The following KCNIP4 variants were observed in gnomAD, a reference collection of about 807,000 sequenced individuals.
KCNIP4 encodes potassium voltage-gated channel interacting protein 4, also known as Kv channel-interacting protein 4.
A neutral mutation model predicts 34.0 loss-of-function variants in KCNIP4; 12 were observed. That is an observed-to-expected ratio of 0.35 (90% CI 0.23 to 0.57). The LOEUF (loss-of-function observed/expected upper bound fraction) is 0.57. KCNIP4 is among the 20% of genes least tolerant of loss of function. The probability of loss-of-function intolerance (pLI) is 0.83; values close to 1 mark genes in which losing one functional copy is unlikely to be tolerated. For synonymous variants in KCNIP4, 124 were observed against 102.2 expected (o/e 1.21, Z -1.29); for missense variants, 238 against 311.7 (o/e 0.76, Z 1.78).
intron 1 of KCNIP4, among the ~76,000 whole-genome samples, chr4:21,469,951 G>T (rs758411058): frequency 6.6e-6 from 1 of 152,104 alleles, no homozygotes; most frequent in Non-Finnish European, 1.5e-5. Context: ...ATAACTTTTG[G>T]GATGTTCATA....
At chr4:21,098,880 C>T (rs4590029) in intron 1 of KCNIP4, among the ~76,000 whole-genome samples, 1 of 152,014 alleles carries the variant, frequency 6.6e-6, no homozygotes, top group African/African-American at 2.4e-5. Flanking sequence ...CTCAACATCA[C>T]TGATCATTAG....
In KCNIP4 at chr4:21,349,644, C is replaced by T. The variant is rs1462951817; in HGVS notation, c.62-466935G>A. Among the ~76,000 whole-genome samples the T allele has an allele frequency of 2.0e-5, 3 of 152,126 alleles. 1 individual carries two copies. The highest frequency in any genetic ancestry group is 2.0e-4 in the Admixed American group (3 of 15,258). ...ATTCCCACCAGTGACTAGTTATACCCCAAGGAACATACAGACTGCTAACAT... is the reference window on the plus strand; with the variant it reads ...ATTCCCACCAGTGACTAGTTATACCTCAAGGAACATACAGACTGCTAACAT... On this transcript the variant is annotated intron_variant, in intron 1 of 8. Transcript: ENST00000382152.
rs1332301812 is a variant in KCNIP4 at position 20,950,930 on chromosome 4, TACGTGGGC to T, written c.62-68229_62-68222del. 2.0e-5 allele frequency among the ~76,000 whole-genome samples: 3 copies of T among 152,106 alleles called. No individual in the cohort carries two copies. The East Asian group carries it at 5.8e-4, about 29-fold the overall frequency. On this transcript the variant is annotated intron_variant, in intron 1 of 8. Coordinates refer to ENST00000382152, the MANE Select transcript of KCNIP4 (RefSeq NM_025221.6). Reference sequence around the variant, plus strand: ...CTTTCACAGAATACCACTCTAAAGTTACGTGGGCATTTGCTTTCCCCCAAAATTCATAT... The same window carrying T: ...CTTTCACAGAATACCACTCTAAAGTTATTTGCTTTCCCCCAAAATTCATAT...
intron 1 of KCNIP4, among the ~76,000 whole-genome samples, chr4:21,230,614 TGTTTG>T (rs1231927800): frequency 6.6e-6 from 1 of 152,038 alleles, no homozygotes; most frequent in Non-Finnish European, 1.5e-5. Flanking sequence ...CAACATATGG[TGTTTG>T]GTTTTTCTGT....
At position 21,832,816 on chromosome 4, in the gene KCNIP4, C is replaced by T. The variant is rs1030157030; in HGVS notation, c.61+115755G>A. Among the ~76,000 whole-genome samples the T allele has an allele frequency of 1.5e-4, 22 of 148,008 alleles. No homozygotes were observed. The South Asian group carries it at 4.8e-3, about 32-fold the overall frequency. Reference sequence around the variant, plus strand: ...CCATGGGTTCTCATTGTTCAATTCCCACCTATGAGTGAGAATATGCGGTGT... The same window carrying T: ...CCATGGGTTCTCATTGTTCAATTCCTACCTATGAGTGAGAATATGCGGTGT... On this transcript the variant is annotated intron_variant, in intron 1 of 8. Coordinates refer to ENST00000382152, the MANE Select transcript of KCNIP4 (RefSeq NM_025221.6).
intron 1 of KCNIP4, among the ~76,000 whole-genome samples, chr4:21,495,080 G>T (rs1732748193): frequency 6.6e-6 from 1 of 152,032 alleles, no homozygotes; most frequent in African/African-American, 2.4e-5. Flanking sequence ...TGTGTTTGCT[G>T]GTCATCAGTT....
chr4:21,498,132 A>C (rs1222598980), intron 1 of KCNIP4, among the ~76,000 whole-genome samples: 1 of 152,366 alleles, frequency 6.6e-6, no homozygotes, highest in African/African-American at 2.4e-5. Context: ...TGCAGAAAAT[A>C]AAATTCACCC....
chr4:21,218,713 T>G (rs1757787686), intron 1 of KCNIP4, among the ~76,000 whole-genome samples: 2 of 152,182 alleles, frequency 1.3e-5, no homozygotes, highest in Non-Finnish European at 1.5e-5. Flanking sequence ...GGCCCATAGA[T>G]TCATCTAGAA....
intron 1 of KCNIP4, among the ~76,000 whole-genome samples, chr4:21,735,484 T>C (rs1222013332): frequency 6.6e-6 from 1 of 152,182 alleles, no homozygotes; most frequent in East Asian, 1.9e-4. Flanking sequence ...AAATGCCAAA[T>C]AATGGAGTGC....
At chr4:20,925,326 C>G (rs950175587) in intron 1 of KCNIP4, among the ~76,000 whole-genome samples, 1 of 152,034 alleles carries the variant, frequency 6.6e-6, no homozygotes, top group Non-Finnish European at 1.5e-5. Context: ...TTTGAAGTCA[C>G]TAGATAAGAC....
intron 1 of KCNIP4, among the ~76,000 whole-genome samples, chr4:21,529,000 G>C (rs976071403): frequency 6.6e-6 from 1 of 151,972 alleles, no homozygotes; most frequent in Non-Finnish European, 1.5e-5. Flanking sequence ...CAAAAGTTTT[G>C]CTGTCCTTTT....
chr4:21,901,016 C>T (rs1727676126), intron 1 of KCNIP4, among the ~76,000 whole-genome samples: 1 of 152,154 alleles, frequency 6.6e-6, no homozygotes, highest in Non-Finnish European at 1.5e-5. Context: ...TTTTATGCTA[C>T]TTTTAAGGTA....
intron 1 of KCNIP4, among the ~76,000 whole-genome samples, chr4:21,690,771 T>G (rs1014214253): frequency 1.3e-5 from 2 of 152,238 alleles, no homozygotes; most frequent in Admixed American, 1.3e-4. Flanking sequence ...TCTCACTGAG[T>G]TGTAATAACA....
chr4:21,599,638 T>A (rs896879683), intron 1 of KCNIP4, among the ~76,000 whole-genome samples: 34 of 152,088 alleles, frequency 2.2e-4, no homozygotes, highest in African/African-American at 8.0e-4. Context: ...CCTTTGTTGC[T>A]TCTACTACAA....
intron 1 of KCNIP4, among the ~76,000 whole-genome samples, chr4:21,458,646 G>A (rs1438903802): frequency 6.6e-6 from 1 of 151,858 alleles, no homozygotes; most frequent in African/African-American, 2.4e-5. Context: ...CTTCCTGATC[G>A]CTAACCTAAA....
chr4:20,992,246 G>C (rs1737139194), intron 1 of KCNIP4, among the ~76,000 whole-genome samples: 1 of 152,100 alleles, frequency 6.6e-6, no homozygotes, highest in Admixed American at 6.5e-5. Context: ...GAGGGCAAAG[G>C]AGAAGCAGGC....
At chr4:21,664,671 G>A (rs969065731) in intron 1 of KCNIP4, among the ~76,000 whole-genome samples, 1 of 152,026 alleles carries the variant, frequency 6.6e-6, no homozygotes. Flanking sequence ...TTAATCTCCT[G>A]TCTCTCAGTT....
intron 3 of KCNIP4, among the ~76,000 whole-genome samples, chr4:20,813,083 G>A (rs1279834273): frequency 1.3e-5 from 2 of 152,128 alleles, no homozygotes; most frequent in African/African-American, 4.8e-5. Context: ...TTTTATTAAA[G>A]AGGTAGTCAT....
intron 1 of KCNIP4, among the ~76,000 whole-genome samples, chr4:21,031,551 C>A (rs1227507193): frequency 1.3e-5 from 2 of 152,084 alleles, no homozygotes; most frequent in African/African-American, 4.8e-5. Flanking sequence ...ATTCAAATCT[C>A]TGGGTGAATT....
Sources: allele counts gnomAD v4.1 joint callset (sites outside exome capture counted in the v4.1 genomes callset), GRCh38; gene constraint gnomAD v4.1.1; transcripts MANE v1.5; gene names NCBI Gene and HGNC (gene_info 2026-07-23, HGNC 2026-07-21).